The following NOX4 variants were observed in gnomAD, a reference collection of about 807,000 sequenced individuals.
NOX4 encodes the protein NADPH oxidase 4, also known as kidney oxidase-1.
Under a neutral mutation model 87.6 loss-of-function variants are expected in NOX4, and 69 were observed. That is an observed-to-expected ratio of 0.79 (90% confidence interval 0.65 to 0.96). NOX4 has a LOEUF of 0.96. Ranked by LOEUF, NOX4 falls within the 40% of genes least tolerant of loss-of-function variation. The pLI is 0.00. For synonymous variants in NOX4, 275 were observed against 238.2 expected, an observed-to-expected ratio of 1.15 and a Z score of -1.42; for missense variants, 680 against 681.5, an observed-to-expected ratio of 1.00 and a Z score of 0.02.
chr11:89,361,477 AG>A (rs752066188), intron 12 of NOX4, among the ~76,000 whole-genome samples: 30 of 152,184 alleles, frequency 2.0e-4, no homozygotes, highest in Non-Finnish European at 2.8e-4. Context: ...AAGTCGGGTG[AG>A]GGATAAAAAA....
rs916359489 is a variant in NOX4 at position 89,364,223 on chromosome 11, G to A, written c.1136-9180C>T. ...GATTATGCTACTGCACACCAGCCTA[G>A]GTGACAGAGTGAGACCCTGTCTCTC... On this transcript the variant is annotated intron_variant, in intron 12 of 17. Coordinates refer to ENST00000263317, the MANE Select transcript of NOX4 (RefSeq NM_016931.5). Among the ~76,000 whole-genome samples, 5 of 151,980 alleles carry A rather than the reference G, an allele frequency of 3.3e-5. No individual in the cohort carries two copies. The South Asian group carries it at 1.0e-3, about 32-fold the overall frequency.
intron 6 of NOX4, among the ~76,000 whole-genome samples, chr11:89,437,491 T>C (rs1028833564): frequency 1.3e-5 from 2 of 152,140 alleles, no homozygotes; most frequent in African/African-American, 4.8e-5. Flanking sequence ...TAGGGAGCCC[T>C]GTGTCTGAGC....
chr11:89,329,565 A>G (rs1945383067), intron 17 of NOX4, among the ~76,000 whole-genome samples: 1 of 151,774 alleles, frequency 6.6e-6, no homozygotes, highest in Non-Finnish European at 1.5e-5. Context: ...ATAAAATACT[A>G]AAAACGAGTG....
chr11:89,354,659 G>C (rs561119951), intron 13 of NOX4, among the ~76,000 whole-genome samples: 12 of 152,218 alleles, frequency 7.9e-5, no homozygotes, highest in Non-Finnish European at 1.6e-4. Context: ...ACAAAATACT[G>C]TCCCTGTTGA....
chr11:89,416,184 A>G (rs1942761133), intron 8 of NOX4, among the ~76,000 whole-genome samples: 1 of 152,168 alleles, frequency 6.6e-6, no homozygotes, highest in Non-Finnish European at 1.5e-5. Flanking sequence ...TCTGGTTTGG[A>G]CAATAAATTA....
chr11:89,515,343 T>C, the NOX4 span, among the ~76,000 whole-genome samples: 1 of 151,994 alleles, frequency 6.6e-6, no homozygotes, highest in African/African-American at 2.4e-5. Context: ...CATATGTTTA[T>C]GGCTATGTCA....
At chr11:89,394,240 T>C (rs185034666) in intron 11 of NOX4, among the ~76,000 whole-genome samples, 101 of 152,256 alleles carry the variant, frequency 6.6e-4, no homozygotes, top group African/African-American at 2.4e-3. Context: ...TAAAAAAGTT[T>C]TCAGTGATTG....
intron 4 of NOX4, among the ~76,000 whole-genome samples, chr11:89,448,524 A>G (rs1944811109): frequency 6.6e-6 from 1 of 152,226 alleles, no homozygotes; most frequent in African/African-American, 2.4e-5. Context: ...ATATCAAAGA[A>G]ATATTGATCA....
intron 9 of NOX4, among the ~76,000 whole-genome samples, chr11:89,401,751 T>C (rs1941866572): frequency 6.6e-6 from 1 of 152,086 alleles, no homozygotes; most frequent in Non-Finnish European, 1.5e-5. Flanking sequence ...TCAAGGTAAG[T>C]ACAATTTCTT....
At chr11:89,484,971 T>C (rs1269062496) in intron 2 of NOX4, among the ~76,000 whole-genome samples, 2 of 152,164 alleles carry the variant, frequency 1.3e-5, no homozygotes, top group Non-Finnish European at 2.9e-5. Flanking sequence ...ATATTCATTC[T>C]CAGCAGAATT....
chr11:89,442,939 C>A (rs1473314687), intron 5 of NOX4, among the ~76,000 whole-genome samples: 2 of 151,982 alleles, frequency 1.3e-5, no homozygotes, highest in Non-Finnish European at 2.9e-5. Flanking sequence ...GTGATTTGAG[C>A]AGAGGGCAGC....
At chr11:89,353,993 A>T (rs1937779897) in intron 13 of NOX4, among the ~76,000 whole-genome samples, 1 of 152,202 alleles carries the variant, frequency 6.6e-6, no homozygotes, top group South Asian at 2.1e-4. Context: ...AAGCAGTATA[A>T]TTAGGATTCT....
the NOX4 span, among the ~76,000 whole-genome samples, chr11:89,569,865 G>A: frequency 6.6e-6 from 1 of 151,950 alleles, no homozygotes; most frequent in East Asian, 1.9e-4. Flanking sequence ...AGCCAGGCGT[G>A]GTGGCGGGCG....
chr11:89,382,199 C>T (rs1940337916), intron 11 of NOX4, among the ~76,000 whole-genome samples: 1 of 152,016 alleles, frequency 6.6e-6, no homozygotes, highest in Non-Finnish European at 1.5e-5. Flanking sequence ...TTTCTTTTCT[C>T]TGGGCTTGCC....
chr11:89,430,801 T>C (rs1188559488), intron 7 of NOX4, among the ~76,000 whole-genome samples: 1 of 152,218 alleles, frequency 6.6e-6, no homozygotes, highest in Non-Finnish European at 1.5e-5. Flanking sequence ...ATAGATTCAG[T>C]TGCATCCTCA....
At chr11:89,332,645 C>T (rs1206872771) in intron 17 of NOX4, among the ~76,000 whole-genome samples, 1 of 151,846 alleles carries the variant, frequency 6.6e-6, no homozygotes, top group Non-Finnish European at 1.5e-5. Context: ...CTCCCTACCT[C>T]CCATCTAAGG....
At chr11:89,522,689 A>G in the NOX4 span, among the ~76,000 whole-genome samples, 3 of 152,216 alleles carry the variant, frequency 2.0e-5, no homozygotes, top group Admixed American at 2.0e-4. Context: ...TTTGAGGTTG[A>G]TTCAGATGAT....
At chr11:89,509,569 A>G in the NOX4 span, among the ~76,000 whole-genome samples, 1 of 152,092 alleles carries the variant, frequency 6.6e-6, no homozygotes, top group Non-Finnish European at 1.5e-5. Flanking sequence ...ATTGTAAGAT[A>G]AATACATAAA....
upstream of NOX4, among the ~76,000 whole-genome samples, chr11:89,501,333 C>G (rs1309745623): frequency 1.3e-5 from 2 of 151,846 alleles, no homozygotes; most frequent in Non-Finnish European, 2.9e-5. Context: ...CATGAACGAG[C>G]ATGATATTAG....
Sources: gnomAD v4.1 joint callset for allele counts (sites outside exome capture counted in the v4.1 genomes callset) on GRCh38, gnomAD v4.1.1 for gene constraint, MANE v1.5 for transcripts, NCBI Gene and HGNC (gene_info 2026-07-23, HGNC 2026-07-21) for gene names.